CSTPP1: variants seen among roughly 807,000 people sequenced by gnomAD.
CSTPP1 encodes UPF0705 protein C11orf49.
At chr11:47,011,792 T>G in the CSTPP1 span, among the ~76,000 whole-genome samples, 1 of 152,212 alleles carries the variant, frequency 6.6e-6, no homozygotes, top group Non-Finnish European at 1.5e-5. Flanking sequence ...ATGTCTAAAC[T>G]TTTCATATCA....
At chr11:47,092,381 C>T in the CSTPP1 span, among the ~76,000 whole-genome samples, 4 of 152,250 alleles carry the variant, frequency 2.6e-5, no homozygotes, top group East Asian at 7.7e-4. Context: ...AATCATAACC[C>T]ACATCTCTGA....
At chr11:47,137,854 G>T in the CSTPP1 span, 4 of 874,218 alleles carry the variant, frequency 4.6e-6, no homozygotes, top group Admixed American at 9.8e-5. Context: ...TGGGAGAGGG[G>T]TCTATTTGGG....
the CSTPP1 span, among the ~76,000 whole-genome samples, chr11:47,126,242 A>G: frequency 1.3e-5 from 2 of 152,210 alleles, no homozygotes; most frequent in Non-Finnish European, 2.9e-5. Context: ...TACAAGCCAG[A>G]CAGACTACAT....
the CSTPP1 span, chr11:46,936,982 G>A: frequency 1.6e-6 from 2 of 1,219,260 alleles, no homozygotes; most frequent in Admixed American, 3.8e-5. Flanking sequence ...AGAGGCGGGG[G>A]TTCCAGGGCC....
At chr11:47,089,435 A>T in the CSTPP1 span, among the ~76,000 whole-genome samples, 149,589 of 152,272 alleles carry the variant, frequency 0.98, 73,537 homozygotes, top group Middle Eastern at 1. Flanking sequence ...AGAGTAATTT[A>T]CTGAGCCACT....
chr11:47,163,171 C>CT, the CSTPP1 span, among the ~76,000 whole-genome samples: 1 of 115,942 alleles, frequency 8.6e-6, no homozygotes. Flanking sequence ...ATGAGACCAT[C>CT]TTAAAAAAAA....
the CSTPP1 span, among the ~76,000 whole-genome samples, chr11:47,140,596 AT>A: frequency 2.9e-3 from 413 of 142,936 alleles, no homozygotes; most frequent in Middle Eastern, 3.7e-3. Context: ...TGCCCGGCTA[AT>A]TTTTTTTTTT....
chr11:47,070,975 G>C, the CSTPP1 span, among the ~76,000 whole-genome samples: 1 of 151,878 alleles, frequency 6.6e-6, no homozygotes, highest in African/African-American at 2.4e-5. Context: ...CTCTGTTTTT[G>C]CTTTCCCACC....
At chr11:47,148,673 C>T in the CSTPP1 span, among the ~76,000 whole-genome samples, 2 of 152,206 alleles carry the variant, frequency 1.3e-5, no homozygotes, top group African/African-American at 4.8e-5. Flanking sequence ...CACTTTAAAC[C>T]AGATAGAATA....
the CSTPP1 span, among the ~76,000 whole-genome samples, chr11:47,062,493 A>G: frequency 6.6e-6 from 1 of 152,362 alleles, no homozygotes; most frequent in Admixed American, 6.5e-5. Flanking sequence ...AGCAAATGCT[A>G]TATGCCAGGT....
the CSTPP1 span, among the ~76,000 whole-genome samples, chr11:46,971,605 A>T: frequency 6.6e-6 from 1 of 152,258 alleles, no homozygotes; most frequent in African/African-American, 2.4e-5. Context: ...TTCTGTATTT[A>T]AGCAATATTT....
chr11:47,080,462 A>G, the CSTPP1 span, among the ~76,000 whole-genome samples: 1 of 152,188 alleles, frequency 6.6e-6, no homozygotes. Flanking sequence ...CTCAAAAAAT[A>G]ATAATTTCAC....
At chr11:46,955,130 A>G in the CSTPP1 span, among the ~76,000 whole-genome samples, 2 of 152,046 alleles carry the variant, frequency 1.3e-5, no homozygotes, top group African/African-American at 2.4e-5. Flanking sequence ...ATGGAGTTAC[A>G]TTCATTCATC....
the CSTPP1 span, among the ~76,000 whole-genome samples, chr11:47,042,878 T>C: frequency 6.6e-6 from 1 of 152,218 alleles, no homozygotes; most frequent in Non-Finnish European, 1.5e-5. Context: ...AGGTCAAATG[T>C]TTGTTTTGGA....
At chr11:47,158,495 A>C in the CSTPP1 span, among the ~76,000 whole-genome samples, 4 of 152,180 alleles carry the variant, frequency 2.6e-5, no homozygotes, top group South Asian at 8.3e-4. Context: ...CTCCTAAGAG[A>C]AGAGCCAGTA....
At chr11:47,128,758 A>T in the CSTPP1 span, among the ~76,000 whole-genome samples, 1 of 152,120 alleles carries the variant, frequency 6.6e-6, no homozygotes, top group South Asian at 2.1e-4. Flanking sequence ...GGCTCACAAC[A>T]TCCTTATTTT....
chr11:47,017,676 T>A, the CSTPP1 span, among the ~76,000 whole-genome samples: 1 of 151,382 alleles, frequency 6.6e-6, no homozygotes, highest in Non-Finnish European at 1.5e-5. Context: ...ACTTTTTTTT[T>A]TTTTTTTTTG....
the CSTPP1 span, among the ~76,000 whole-genome samples, chr11:47,023,769 G>A: frequency 2.6e-5 from 4 of 152,048 alleles, no homozygotes; most frequent in African/African-American, 9.7e-5. Context: ...CATTCATGTT[G>A]TACCATGTAT....
At chr11:47,102,989 G>GAAAAAAAA in the CSTPP1 span, among the ~76,000 whole-genome samples, 1 of 120,518 alleles carries the variant, frequency 8.3e-6, no homozygotes. Context: ...GTGCCTCACA[G>GAAAAAAAA]AAAAAAAAAA....
Sources: allele counts gnomAD v4.1 joint callset (sites outside exome capture counted in the v4.1 genomes callset), GRCh38; gene constraint gnomAD v4.1.1; transcripts MANE v1.5; gene names NCBI Gene and HGNC (gene_info 2026-07-23, HGNC 2026-07-21).